Variants in ZMYM5 observed in about 807,000 individuals in gnomAD.
ZMYM5 encodes the protein zinc finger MYM-type containing 5.
In ZMYM5, 41 loss-of-function variants were observed where a neutral mutation model predicts 61.8. That is an observed-to-expected ratio of 0.66 (90% CI 0.52 to 0.86). ZMYM5 has a LOEUF of 0.86. ZMYM5 is among the 40% of genes least tolerant of loss of function. The pLI, the probability that ZMYM5 is intolerant of heterozygous loss-of-function variation, is 0.00. For missense variants in ZMYM5, 706 were observed against 786.7 expected (o/e 0.90, Z 1.23); for synonymous variants, 257 against 276.4 (o/e 0.93, Z 0.70).
In ZMYM5 at chr13:19,824,721, AAC is replaced by A; in HGVS notation, c.1764_1765del (p.Phe589LeufsTer17). The A allele has an allele frequency of 7.4e-7, 1 of 1,358,350 alleles. No homozygotes were observed. Among genetic ancestry groups the A allele is most frequent in the Non-Finnish European group, 9.8e-7 (1 of 1,018,222 alleles). The allele number at this position is 1,358,350 out of a possible 1,614,324, so 84.1% of individuals were successfully genotyped here. A position where few individuals can be genotyped will look rare whatever the true frequency, so the allele number is the denominator to read the frequency against. ...CCCAAAGAGTTTGCAATATAGACAAAACACAGAATCTTTTGAGGTTGAATAAA... is the reference window on the plus strand; with the variant it reads ...CCCAAAGAGTTTGCAATATAGACAAAACAGAATCTTTTGAGGTTGAATAAA... On this transcript the variant is annotated frameshift_variant, in exon 8 of 8. Transcript: ENST00000337963. LOFTEE classifies it high-confidence loss of function.
intron 6 of ZMYM5, 137 bp from the exon 7 acceptor site, chr13:19,835,826 AT>A (rs753164390): frequency 0.068 from 29,440 of 430,610 alleles, 4 homozygotes; most frequent in South Asian, 0.12. Context: ...CAGGGAAAAG[AT>A]TTTTTTTTTT....
In ZMYM5 at chr13:19,835,543, G is replaced by A. The variant is rs773534474; in HGVS notation, c.1185C>T (p.Asn395=). 5.8e-6 allele frequency: 8 copies of A among 1,367,690 alleles called. No individual in the cohort carries two copies. The highest frequency in any genetic ancestry group is 6.9e-6 in the Non-Finnish European group (7 of 1,021,860). 84.7% of individuals were successfully genotyped at this position (1,367,690 alleles called of 1,614,324 possible). ...TCTGCTGACCTCCAATCACCAGGAT[G>A]TTGTTTCCAGTACTCTTACTAGGCA... ...EYMPSKSTGN[N]ILVIGGQQKR... Residue 395 remains asparagine, a synonymous_variant, in exon 7 of 8, where the codon AAC becomes AAT. Transcript: ENST00000337963.
At chr13:19,861,759 G>C (rs1302687402) in intron 2 of ZMYM5, among the ~76,000 whole-genome samples, 1 of 151,936 alleles carries the variant, frequency 6.6e-6, no homozygotes, top group Non-Finnish European at 1.5e-5. Context: ...ATTCACACAA[G>C]GATTGGTGTT....
Position 19,828,040 on chromosome 13 carries a change from AAG to A in ZMYM5, c.1252-2807_1252-2806del, listed in dbSNP as rs1219383808. ...TCTCAAAAAAAAAAAAAAAAAAAAA[AAG>A]ATGTATAAAATGTGAATGGCATCCT... On this transcript the variant is annotated intron_variant, in intron 7 of 7. Transcript: ENST00000337963. Among the ~76,000 whole-genome samples, 381 of 150,442 alleles carry A rather than the reference AAG, an allele frequency of 2.5e-3. 5 individuals are homozygous for A. Among genetic ancestry groups the A allele is most frequent in the Admixed American group, 0.023 (340 of 14,604 alleles).
intron 1 of ZMYM5, among the ~76,000 whole-genome samples, chr13:19,863,183 C>T (rs1274723103): frequency 1.3e-5 from 2 of 150,900 alleles, no homozygotes; most frequent in Non-Finnish European, 1.5e-5. Flanking sequence ...CCCCGGGCGG[C>T]CGGCAACCCG....
chr13:19,851,855 T>C lies in ZMYM5; in HGVS notation c.326A>G (p.Gln109Arg), dbSNP rs752153150. 2 of 1,612,026 alleles carry C rather than the reference T, an allele frequency of 1.2e-6. No homozygotes were observed. The highest frequency in any genetic ancestry group is 1.3e-5 in the African/African-American group (1 of 74,824). The change falls in exon 3 of 8, where the codon CAG becomes CGG. Residue 109 changes from glutamine (Q) to arginine (R), a missense_variant. This residue lies in a region of ZMYM5 where 480 missense variants were observed against 461.7 expected (regional missense o/e 1.04). Coordinates refer to ENST00000337963, the MANE Select transcript of ZMYM5 (RefSeq NM_001142684.2). ...IPPSSRDLASQKGNISETIVI... is the reference protein window; with the variant it reads ...IPPSSRDLASRKGNISETIVI... Reference sequence around the variant, plus strand: ...AATTGTCTCACTTATATTTCCTTTCTGAGATGCCAAATCTCTTGAAGAAGG... The same window carrying C: ...AATTGTCTCACTTATATTTCCTTTCCGAGATGCCAAATCTCTTGAAGAAGG...
Position 19,825,215 on chromosome 13 carries a change from T to G in ZMYM5, c.1272A>C (p.Lys424Asn). 3 of 1,264,468 alleles carry G rather than the reference T, an allele frequency of 2.4e-6. No individual in the cohort carries two copies. The highest frequency in any genetic ancestry group is 3.1e-6 in the Non-Finnish European group (3 of 977,544). The allele number at this position is 1,264,468 out of a possible 1,614,324, so 78.3% of individuals were successfully genotyped here. The stretch of plus-strand genomic sequence containing the variant: ...TTCTATTTTCTGATGCTGTTAATTT[T>G]TTTGATTTTGTTTCCATCATCTGAG... ...EYKQMMETKS[K>N]KLTASENRKR... is the part of the protein sequence containing the mutation. Residue 424 changes from lysine to asparagine, a missense_variant, in exon 8 of 8, where the codon AAA becomes AAC. Transcript: ENST00000337963.
rs560157855 is a variant in ZMYM5 at position 19,825,050 on chromosome 13, T to C, written c.1437A>G (p.Thr479=). 3.7e-6 allele frequency: 5 copies of C among 1,367,726 alleles called. No homozygotes were observed. Among genetic ancestry groups the C allele is most frequent in the Middle Eastern group, 2.1e-4 (1 of 4,768 alleles). 84.7% of individuals were successfully genotyped at this position (1,367,726 alleles called of 1,614,324 possible). A position where few individuals can be genotyped will look rare whatever the true frequency, so the allele number is the denominator to read the frequency against. Residue 479 remains threonine, a synonymous_variant, in exon 8 of 8, where the codon ACA becomes ACG. Coordinates refer to ENST00000337963, the MANE Select transcript of ZMYM5 (RefSeq NM_001142684.2). The part of the protein sequence containing the change: ...LQLSVECGTD[T]LLIQENVNLP... ...AATTCACATTCTCTTGGATCAGTAATGTATCCGTGCCACATTCTACTGAAA... is the reference window on the plus strand; with the variant it reads ...AATTCACATTCTCTTGGATCAGTAACGTATCCGTGCCACATTCTACTGAAA...
intron 2 of ZMYM5, among the ~76,000 whole-genome samples, chr13:19,856,278 CT>C (rs1953506682): frequency 6.6e-6 from 1 of 152,086 alleles, no homozygotes. Context: ...TAGCTTTAAG[CT>C]TTTTAATGAG....
At chr13:19,828,875 A>G (rs1198134110) in intron 7 of ZMYM5, among the ~76,000 whole-genome samples, 3 of 152,218 alleles carry the variant, frequency 2.0e-5, no homozygotes, top group African/African-American at 7.2e-5. Context: ...TCAGTTTTCA[A>G]CACAATGAGT....
intron 2 of ZMYM5, among the ~76,000 whole-genome samples, chr13:19,852,969 T>A (rs1246178685): frequency 2.0e-5 from 3 of 152,142 alleles, no homozygotes; most frequent in African/African-American, 7.2e-5. Context: ...CACCTCAGCC[T>A]CCCAAGTAGG....
chr13:19,853,591 C>T (rs73168974), intron 2 of ZMYM5, among the ~76,000 whole-genome samples: 11 of 151,130 alleles, frequency 7.3e-5, no homozygotes, highest in Admixed American at 2.0e-4. Flanking sequence ...CCACAACAGG[C>T]GTGGCCTCAG....
At chr13:19,856,739 G>A (rs2138645396) in intron 2 of ZMYM5, among the ~76,000 whole-genome samples, 1 of 152,292 alleles carries the variant, frequency 6.6e-6, no homozygotes, top group South Asian at 2.1e-4. Context: ...GAACCCGGGA[G>A]GTAGAAGTTG....
chr13:19,840,675 CT>C (rs1203468933), intron 4 of ZMYM5, among the ~76,000 whole-genome samples: 22 of 147,190 alleles, frequency 1.5e-4, no homozygotes, highest in Non-Finnish European at 1.7e-4. Context: ...CACCTGGCCA[CT>C]TTTTTTTTTT....
intron 2 of ZMYM5, 134 bp from the exon 3 acceptor site, chr13:19,852,324 T>C (rs1193792726): frequency 1.0e-5 from 9 of 871,342 alleles, no homozygotes; most frequent in African/African-American, 1.7e-5. Context: ...TTTCCTCTAC[T>C]GTTAACTAAT....
At chr13:19,863,286 C>A (rs1160393062) in intron 1 of ZMYM5, among the ~76,000 whole-genome samples, 164 bp downstream of exon 1, 1 of 151,992 alleles carries the variant, frequency 6.6e-6, no homozygotes, top group Non-Finnish European at 1.5e-5. Flanking sequence ...CTCTCCCAGC[C>A]CCTCAGGCCG....
intron 7 of ZMYM5, among the ~76,000 whole-genome samples, chr13:19,830,023 T>C (rs1233645881): frequency 6.6e-6 from 1 of 152,146 alleles, no homozygotes; most frequent in East Asian, 1.9e-4. Context: ...CTGCAGATGT[T>C]TAGCAGCACC....
In ZMYM5 at chr13:19,824,740, T is replaced by G. The variant is rs957509458; in HGVS notation, c.1747A>C (p.Thr583Pro). ...AGACAAAACACAGAATCTTTTGAGG[T>G]TGAATAAAGTAACCAGGATCTAGTG... ...KTTRSWLLYSTSKDSVFCLYC... is the reference protein window; with the variant it reads ...KTTRSWLLYSPSKDSVFCLYC... Residue 583 changes from threonine (T) to proline (P), a missense_variant, in exon 8 of 8, where the codon ACC becomes CCC. Physicochemically the swap from Thr to Pro is conservative, Grantham distance 38. Coordinates refer to ENST00000337963, the MANE Select transcript of ZMYM5 (RefSeq NM_001142684.2). The G allele has an allele frequency of 3.7e-6, 5 of 1,360,240 alleles. No individual in the cohort carries two copies. In the African/African-American group the frequency reaches 7.4e-5, roughly 20 times the overall value. 84.3% of individuals were successfully genotyped at this position (1,360,240 alleles called of 1,614,324 possible). A position where few individuals can be genotyped will look rare whatever the true frequency, so the allele number is the denominator to read the frequency against.
At chr13:19,850,331 G>A (rs1196139749) in intron 4 of ZMYM5, among the ~76,000 whole-genome samples, 1 of 152,166 alleles carries the variant, frequency 6.6e-6, no homozygotes, top group African/African-American at 2.4e-5. Context: ...CAGTCGCAGT[G>A]GCTCACACCT....
Sources: allele counts gnomAD v4.1 joint callset (sites outside exome capture counted in the v4.1 genomes callset), GRCh38; gene constraint gnomAD v4.1.1; regional missense constraint gnomAD v4.1.1; transcripts MANE v1.5; gene names NCBI Gene and HGNC (gene_info 2026-07-23, HGNC 2026-07-21).